The following SYNPR variants were observed in gnomAD, a reference collection of about 807,000 sequenced individuals.
The protein encoded by SYNPR is synaptoporin.
A neutral mutation model predicts 32.9 loss-of-function variants in SYNPR; 23 were observed. The observed-to-expected ratio is 0.70, with a 90% CI of 0.50 to 0.99. The LOEUF is 0.99. SYNPR is among the 50% of genes least tolerant of loss of function. The pLI, the probability that SYNPR is intolerant of heterozygous loss-of-function variation, is 0.00. For missense variants in SYNPR, 318 were observed against 349.3 expected (o/e 0.91, Z 0.71); for synonymous variants, 146 against 135.9 (o/e 1.07, Z -0.52).
intron 4 of SYNPR, among the ~76,000 whole-genome samples, chr3:63,605,774 C>T (rs1700108994): frequency 6.6e-6 from 1 of 152,110 alleles, no homozygotes; most frequent in Non-Finnish European, 1.5e-5. Flanking sequence ...GAAGAAGGAG[C>T]CATGTGGGTC....
At chr3:63,499,538 A>G (rs1303763078) in intron 3 of SYNPR, among the ~76,000 whole-genome samples, 1 of 152,136 alleles carries the variant, frequency 6.6e-6, no homozygotes, top group Non-Finnish European at 1.5e-5. Context: ...AGAACTCTAT[A>G]TAAGCCAAAA....
intron 2 of SYNPR, among the ~76,000 whole-genome samples, chr3:63,300,657 C>T (rs1457374157): frequency 6.6e-6 from 1 of 152,018 alleles, no homozygotes; most frequent in African/African-American, 2.4e-5. Context: ...AGCCCATAGC[C>T]AGTAACAGTC....
intron 2 of SYNPR, among the ~76,000 whole-genome samples, chr3:63,381,392 C>CGAAATAA (rs2087966810): frequency 6.6e-6 from 1 of 152,058 alleles, no homozygotes; most frequent in South Asian, 2.1e-4. Context: ...CACTGCTCAA[C>CGAAATAA]GAAATAAAAG....
intron 3 of SYNPR, among the ~76,000 whole-genome samples, chr3:63,523,724 T>TTTTG (rs1238301774): frequency 6.6e-6 from 1 of 152,052 alleles, no homozygotes; most frequent in African/African-American, 2.4e-5. Context: ...GATTTTTGGG[T>TTTTG]TTTGTTTGTT....
intron 2 of SYNPR, chr3:63,445,530 T>A (rs183310607): frequency 2.9e-6 from 2 of 699,752 alleles, no homozygotes. Context: ...AATCAGCTCC[T>A]CTCTTCTTTT....
chr3:63,406,896 A>G (rs572015662), intron 2 of SYNPR, among the ~76,000 whole-genome samples: 42 of 152,308 alleles, frequency 2.8e-4, no homozygotes, highest in African/African-American at 9.1e-4. Context: ...CTGATAGAAT[A>G]GATTTGGTGC....
chr3:63,351,050 C>T (rs1433912075), intron 2 of SYNPR, among the ~76,000 whole-genome samples: 1 of 151,978 alleles, frequency 6.6e-6, no homozygotes, highest in Non-Finnish European at 1.5e-5. Context: ...TTTTTTTTCT[C>T]TAGTTAGTCC....
intron 3 of SYNPR, among the ~76,000 whole-genome samples, chr3:63,497,524 G>A (rs989461346): frequency 1.3e-5 from 2 of 150,876 alleles, no homozygotes; most frequent in African/African-American, 4.9e-5. Context: ...TGGATAATAT[G>A]CCATTATATA....
At chr3:63,240,912 T>C (rs2086236828) in intron 1 of SYNPR, among the ~76,000 whole-genome samples, 1 of 152,022 alleles carries the variant, frequency 6.6e-6, no homozygotes, top group Non-Finnish European at 1.5e-5. Flanking sequence ...GACTTTGTAT[T>C]CTCCCCATTG....
intron 4 of SYNPR, among the ~76,000 whole-genome samples, chr3:63,586,027 T>C (rs554100846): frequency 6.6e-6 from 1 of 152,194 alleles, no homozygotes; most frequent in South Asian, 2.1e-4. Context: ...CCACTTCACA[T>C]GATAAGTGGG....
upstream of SYNPR, among the ~76,000 whole-genome samples, chr3:63,277,495 G>C (rs2086587606): frequency 1.3e-5 from 2 of 152,128 alleles, no homozygotes; most frequent in African/African-American, 4.8e-5. Flanking sequence ...AGTTCATTTG[G>C]GGGTCAGATA....
chr3:63,570,699 T>C (rs915216245), intron 4 of SYNPR, among the ~76,000 whole-genome samples: 1 of 152,128 alleles, frequency 6.6e-6, no homozygotes, highest in African/African-American at 2.4e-5. Context: ...CTTCTAAACC[T>C]CCCAGCTCTG....
At chr3:63,443,990 G>A (rs1373513764) in intron 2 of SYNPR, among the ~76,000 whole-genome samples, 1 of 152,108 alleles carries the variant, frequency 6.6e-6, no homozygotes, top group Non-Finnish European at 1.5e-5. Flanking sequence ...CCCTACGATT[G>A]GATGCATGCA....
upstream of SYNPR, chr3:63,278,167 G>A (rs1232709913): frequency 9.9e-6 from 2 of 202,546 alleles, no homozygotes; most frequent in Non-Finnish European, 2.0e-5. Context: ...GGCTGAGCCT[G>A]CACCAATGTC....
intron 4 of SYNPR, among the ~76,000 whole-genome samples, chr3:63,595,903 A>AAT (rs1699950114): frequency 4.5e-5 from 4 of 89,576 alleles, no homozygotes; most frequent in South Asian, 3.9e-4. Flanking sequence ...TTATATATAT[A>AAT]GTTATATATA....
chr3:63,568,926 T>C (rs1458539403), intron 4 of SYNPR, among the ~76,000 whole-genome samples: 1 of 152,194 alleles, frequency 6.6e-6, no homozygotes, highest in Non-Finnish European at 1.5e-5. Context: ...TAAAATGTTA[T>C]AAGCACCTAT....
At chr3:63,372,538 C>T (rs2087829822) in intron 2 of SYNPR, among the ~76,000 whole-genome samples, 1 of 152,188 alleles carries the variant, frequency 6.6e-6, no homozygotes, top group South Asian at 2.1e-4. Flanking sequence ...CCCCATCCCC[C>T]TTTCCCCCAC....
chr3:63,512,359 GACA>G (rs768245904), intron 3 of SYNPR, among the ~76,000 whole-genome samples: 1 of 152,004 alleles, frequency 6.6e-6, no homozygotes, highest in Non-Finnish European at 1.5e-5. Context: ...ATATCCTCTT[GACA>G]ACAACAACAA....
At chr3:63,415,584 A>C (rs757087377) in intron 2 of SYNPR, among the ~76,000 whole-genome samples, 3 of 152,212 alleles carry the variant, frequency 2.0e-5, no homozygotes, top group Non-Finnish European at 4.4e-5. Context: ...TTGTAGCACA[A>C]AAGCAGCCAT....
Sources: allele counts gnomAD v4.1 joint callset (sites outside exome capture counted in the v4.1 genomes callset), GRCh38; gene constraint gnomAD v4.1.1; transcripts MANE v1.5; gene names NCBI Gene and HGNC (gene_info 2026-07-23, HGNC 2026-07-21).